TYW1: variants seen among roughly 807,000 people sequenced by gnomAD.
TYW1 encodes the protein tRNA-yW synthesizing protein 1 homolog, also known as S-adenosyl-L-methionine-dependent tRNA 4-demethylwyosine synthase TYW1.
TYW1 carries 46 observed loss-of-function variants against 96.2 expected under a neutral mutation model. The ratio of observed to expected loss-of-function variants is 0.48; its 90% CI spans 0.38 to 0.61. The LOEUF is 0.61. Among genes scored for constraint, TYW1 ranks in the 20% least tolerant of loss-of-function variants. The pLI, the probability that TYW1 is intolerant of heterozygous loss-of-function variation, is 0.00. For synonymous variants in TYW1, 274 were observed against 323.0 expected (o/e 0.85, Z 1.63); for missense variants, 684 against 909.6 (o/e 0.75, Z 3.19).
intron 11 of TYW1, among the ~76,000 whole-genome samples, chr7:67,094,901 G>T (rs1796845238): frequency 6.6e-6 from 1 of 152,082 alleles, no homozygotes; most frequent in Admixed American, 6.6e-5. Flanking sequence ...AATGCAGGTT[G>T]TACAGGGGAT....
chr7:67,103,189 C>T (rs1200885650), intron 12 of TYW1, among the ~76,000 whole-genome samples: 2 of 152,264 alleles, frequency 1.3e-5, no homozygotes, highest in Admixed American at 1.3e-4. Flanking sequence ...CTGCAGATTA[C>T]TGCTAGGATA....
intron 13 of TYW1, among the ~76,000 whole-genome samples, chr7:67,136,019 G>A (rs528225775): frequency 8.5e-5 from 13 of 152,218 alleles, no homozygotes; most frequent in East Asian, 5.8e-4. Flanking sequence ...TATATGAGTC[G>A]TAGATATTGT....
chr7:67,056,386 G>T (rs193270482), intron 9 of TYW1, among the ~76,000 whole-genome samples: 1 of 151,818 alleles, frequency 6.6e-6, no homozygotes, highest in African/African-American at 2.4e-5. Context: ...CAGCTATTCG[G>T]GAGGCTGAGG....
rs776243685 is a variant in TYW1, at chr7:67,117,511, G to A, written c.1591G>A (p.Val531Ile). Residue 531 changes from valine to isoleucine, a missense_variant, in exon 13 of 16, where the codon GTC becomes ATC. Transcript: ENST00000359626. Reference sequence around the variant, plus strand: ...CCTCGAGCCGGTTACTCAGCTGTATGTCAGTGTGGATGCCAGTACCAAAGA... The same window carrying A: ...CCTCGAGCCGGTTACTCAGCTGTATATCAGTGTGGATGCCAGTACCAAAGA... Reference protein sequence around the residue: ...RNLEPVTQLYVSVDASTKDSL... With the variant: ...RNLEPVTQLYISVDASTKDSL... The A allele has an allele frequency of 6.2e-7, 1 of 1,611,216 alleles. No individual in the cohort carries two copies. Among genetic ancestry groups the A allele is most frequent in the Non-Finnish European group, 8.5e-7 (1 of 1,179,374 alleles).
intron 7 of TYW1, among the ~76,000 whole-genome samples, chr7:67,041,276 CTTTTTCTTTTCTTTTTCTGGCATTTTGT>C (rs1795010264): frequency 6.6e-6 from 1 of 152,002 alleles, no homozygotes; most frequent in African/African-American, 2.4e-5. Context: ...CTTGGCTTTT[CTTTTTCTTTTCTTTTTCTGGCATTTTGT>C]TTTTTCTTTT....
intron 15 of TYW1, among the ~76,000 whole-genome samples, chr7:67,209,988 C>G (rs761745770): frequency 6.6e-6 from 1 of 152,000 alleles, no homozygotes; most frequent in Non-Finnish European, 1.5e-5. Flanking sequence ...TAGCATCTTA[C>G]GTTGGTGTGG....
At chr7:67,117,055 C>G (rs777748846) in intron 12 of TYW1, among the ~76,000 whole-genome samples, 1 of 152,080 alleles carries the variant, frequency 6.6e-6, no homozygotes, top group African/African-American at 2.4e-5. Flanking sequence ...AGAAGACTTC[C>G]GTCAGTGATT....
At chr7:67,172,355 A>T (rs1799541022) in intron 13 of TYW1, among the ~76,000 whole-genome samples, 1 of 151,738 alleles carries the variant, frequency 6.6e-6, no homozygotes, top group South Asian at 2.1e-4. Context: ...CATTAACTCC[A>T]TCCCAACTTT....
intron 9 of TYW1, among the ~76,000 whole-genome samples, chr7:67,064,073 A>T (rs1355559889): frequency 6.6e-6 from 1 of 152,230 alleles, no homozygotes; most frequent in Non-Finnish European, 1.5e-5. Flanking sequence ...AAACAAATAG[A>T]CATACCATGT....
chr7:66,997,075 C>T (rs1196815121), intron 1 of TYW1, 93 bp downstream of exon 1: 12 of 1,591,044 alleles, frequency 7.5e-6, no homozygotes, highest in Non-Finnish European at 1.0e-5. Flanking sequence ...TCCTCGGTCC[C>T]TTTCCTTCGG....
chr7:67,075,600 C>G (rs1410301236), intron 10 of TYW1, among the ~76,000 whole-genome samples: 3 of 152,172 alleles, frequency 2.0e-5, no homozygotes, highest in Non-Finnish European at 4.4e-5. Context: ...AAATATTATA[C>G]TAAGTGAAAG....
At chr7:67,171,883 A>G (rs541382342) in intron 13 of TYW1, among the ~76,000 whole-genome samples, 2 of 152,162 alleles carry the variant, frequency 1.3e-5, no homozygotes, top group East Asian at 3.9e-4. Flanking sequence ...TCCACAAGAC[A>G]TTACCATTTT....
intron 7 of TYW1, among the ~76,000 whole-genome samples, chr7:67,038,949 C>T (rs1372369163): frequency 6.6e-5 from 10 of 152,062 alleles, no homozygotes; most frequent in African/African-American, 2.4e-4. Flanking sequence ...CTCATTGGAG[C>T]AGTTCGGATT....
At chr7:67,105,531 T>C (rs944906003) in intron 12 of TYW1, among the ~76,000 whole-genome samples, 8 of 152,194 alleles carry the variant, frequency 5.3e-5, no homozygotes, top group African/African-American at 1.9e-4. Context: ...ACTTTTGACT[T>C]TGAAAAGATG....
At chr7:67,213,092 C>T (rs1341791014) in intron 15 of TYW1, among the ~76,000 whole-genome samples, 1 of 152,036 alleles carries the variant, frequency 6.6e-6, no homozygotes, top group African/African-American at 2.4e-5. Flanking sequence ...AGGCTAGTCT[C>T]GAACTCCTGA....
At chr7:67,150,394 T>C (rs1031242953) in intron 13 of TYW1, among the ~76,000 whole-genome samples, 1 of 152,170 alleles carries the variant, frequency 6.6e-6, no homozygotes, top group African/African-American at 2.4e-5. Context: ...CACCTGCCCA[T>C]CTCTTAGTGG....
intron 15 of TYW1, among the ~76,000 whole-genome samples, chr7:67,220,586 T>TTGG (rs1801357603): frequency 6.6e-6 from 1 of 152,124 alleles, no homozygotes; most frequent in African/African-American, 2.4e-5. Context: ...CTAGGCCTAA[T>TTGG]TGGTAGCCTA....
At chr7:67,006,292 C>T (rs1467981313) in intron 3 of TYW1, among the ~76,000 whole-genome samples, 2 of 152,096 alleles carry the variant, frequency 1.3e-5, no homozygotes, top group Non-Finnish European at 2.9e-5. Flanking sequence ...GTGCCTGCCC[C>T]TCCTTTGCCT....
intron 8 of TYW1, among the ~76,000 whole-genome samples, chr7:67,052,161 TG>T (rs1476963064): frequency 6.6e-6 from 1 of 152,178 alleles, no homozygotes; most frequent in Non-Finnish European, 1.5e-5. Context: ...ATTTGGGTTT[TG>T]TTGAGTGTCT....
Sources: gnomAD v4.1 joint callset for allele counts (sites outside exome capture counted in the v4.1 genomes callset) on GRCh38, gnomAD v4.1.1 for gene constraint, MANE v1.5 for transcripts, NCBI Gene and HGNC (gene_info 2026-07-23, HGNC 2026-07-21) for gene names.